The following LPA variants were observed in gnomAD, a reference collection of about 807,000 sequenced individuals.
The protein encoded by LPA is lipoprotein(a), also known as apolipoprotein(a).
In LPA, 199 loss-of-function variants were observed where a neutral mutation model predicts 197.9. The observed-to-expected ratio is 1.01, with a 90% CI of 0.90 to 1.13. The LOEUF (loss-of-function observed/expected upper bound fraction) is 1.13, where lower values mean the gene tolerates loss of function less well. Ranked by LOEUF, LPA falls within the 50% of genes most tolerant of loss-of-function variation. The probability of loss-of-function intolerance (pLI) is 0.00; values close to 1 mark genes in which losing one functional copy is unlikely to be tolerated. For missense variants in LPA, 1,853 were observed against 1,785.8 expected, an observed-to-expected ratio of 1.04 and a Z score of -0.68; for synonymous variants, 715 against 639.5, an observed-to-expected ratio of 1.12 and a Z score of -1.78.
chr6:160,548,401 T>A, intron 31 of LPA, 77 bp downstream of exon 31: 1 of 1,489,884 alleles, frequency 6.7e-7, no homozygotes, highest in Non-Finnish European at 9.3e-7. Context: ...TCAGTGTGGT[T>A]TTTCATGTCT....
intron 28 of LPA, among the ~76,000 whole-genome samples, chr6:160,557,959 G>A (rs1270851890): frequency 6.7e-6 from 1 of 149,242 alleles, no homozygotes; most frequent in South Asian, 2.1e-4. Context: ...TCGCTCTGTC[G>A]CCCAGACTGG....
At chr6:160,597,342 C>A (rs1218795296) in intron 20 of LPA, among the ~76,000 whole-genome samples, 1 of 152,204 alleles carries the variant, frequency 6.6e-6, no homozygotes, top group Non-Finnish European at 1.5e-5. Context: ...TTCAATCATA[C>A]ATCACAAAAG....
intron 28 of LPA, among the ~76,000 whole-genome samples, chr6:160,571,997 T>G (rs774940281): frequency 1.2e-4 from 18 of 152,204 alleles, no homozygotes; most frequent in Non-Finnish European, 1.8e-4. Flanking sequence ...TCCAGGGCCC[T>G]GGTGGTGTAG....
chr6:160,533,148 G>A (rs1364208167), intron 37 of LPA, among the ~76,000 whole-genome samples: 1 of 152,120 alleles, frequency 6.6e-6, no homozygotes, highest in African/African-American at 2.4e-5. Flanking sequence ...ATGGGCATGA[G>A]GTTTCCTTTG....
At position 160,548,494 on chromosome 6, in the gene LPA, C is replaced by T; in HGVS notation, c.5139G>A (p.Gly1713=). 1 of 1,613,986 alleles carries T rather than the reference C, an allele frequency of 6.2e-7. No homozygotes were observed. Among genetic ancestry groups the T allele is most frequent in the Non-Finnish European group, 8.5e-7 (1 of 1,179,990 alleles). Residue 1713 remains glycine, a synonymous_variant, in exon 31 of 39, where the codon GGG becomes GGA. Transcript: ENST00000316300. ...PPTVIQVPSL[G]PPSEQDCMFG... ...ACTTCTTACCTTGTTCAGAAGGAGG[C>T]CCTAGGCTTGGAACCTGGATGACAG...
Position 160,557,525 on chromosome 6 carries a change from G to T in LPA, c.4678C>A (p.Pro1560Thr), listed in dbSNP as rs775305075. ...YCRNPDSGKQ[P>T]WCYTTDPCVR... The stretch of plus-strand genomic sequence containing the variant: ...CACGGATCGGTTGTGTAACACCAGG[G>T]TTGTTTCCCAGAATCTGGATTCCTG... Residue 1560 changes from proline (P) to threonine (T), a missense_variant, in exon 29 of 39, where the codon CCC becomes ACC. Physicochemically the swap from Pro to Thr is conservative, Grantham distance 38 (BLOSUM62 -1). This residue lies in a region of LPA where 1,737 missense variants were observed against 1,504.4 expected (regional missense o/e 1.15). Coordinates refer to ENST00000316300, the MANE Select transcript of LPA (RefSeq NM_005577.4). 4 of 1,613,906 alleles carry T rather than the reference G, an allele frequency of 2.5e-6. No homozygotes were observed. The South Asian group carries it at 3.3e-5, about 13-fold the overall frequency.
chr6:160,535,303 G>A lies in LPA; in HGVS notation c.5842+2552C>T, dbSNP rs534429410. On this transcript the variant is annotated intron_variant, in intron 37 of 38. Coordinates refer to ENST00000316300, the MANE Select transcript of LPA (RefSeq NM_005577.4). Reference sequence around the variant, plus strand: ...GATGGTGATAGTGATGATGGTGGTGGTAATGTTAATGGTGATGGCAGTAGA... The same window carrying A: ...GATGGTGATAGTGATGATGGTGGTGATAATGTTAATGGTGATGGCAGTAGA... Among the ~76,000 whole-genome samples the A allele has an allele frequency of 6.2e-4, 90 of 145,444 alleles. 1 individual carries two copies. The highest frequency in any genetic ancestry group is 1.2e-3 in the Non-Finnish European group (81 of 66,266).
intron 30 of LPA, among the ~76,000 whole-genome samples, chr6:160,552,315 G>C (rs1487966163): frequency 6.6e-6 from 1 of 152,018 alleles, no homozygotes; most frequent in African/African-American, 2.4e-5. Context: ...ATAGTGCTTG[G>C]GTGTGGGTTT....
chr6:160,582,660 T>G (rs1778823452), intron 26 of LPA, among the ~76,000 whole-genome samples: 2 of 152,134 alleles, frequency 1.3e-5, no homozygotes. Context: ...TGTGTCCAAA[T>G]AAATCATACA....
In LPA at chr6:160,589,550, T is replaced by C; in HGVS notation, c.3947+3A>G. On this transcript the variant is annotated splice_donor_region_variant and intron_variant, in intron 24 of 38. Coordinates refer to ENST00000316300, the MANE Select transcript of LPA (RefSeq NM_005577.4). ...TCTCTTGGGAGAAAACTCAAAGACA[T>C]ACCCATTTGGGTAGTATTCTGTGGT... is the stretch of plus-strand genomic sequence containing the variant. 2 of 1,613,456 alleles carry C rather than the reference T, an allele frequency of 1.2e-6. No individual in the cohort carries two copies. Among genetic ancestry groups the C allele is most frequent in the Non-Finnish European group, 1.7e-6 (2 of 1,179,750 alleles).
intron 1 of LPA, 94 bp from the exon 2 acceptor site, chr6:160,650,591 G>A: frequency 8.0e-7 from 1 of 1,251,046 alleles, no homozygotes; most frequent in East Asian, 2.3e-5. Flanking sequence ...AAGTCTCTGA[G>A]AATTACGACC....
At chr6:160,590,321 C>A (rs890369060) in intron 23 of LPA, among the ~76,000 whole-genome samples, 1 of 152,172 alleles carries the variant, frequency 6.6e-6, no homozygotes, top group African/African-American at 2.4e-5. Context: ...CTCTTCTTCA[C>A]AAACAGCAAC....
chr6:160,595,595 C>G, intron 20 of LPA, 60 bp from the exon 21 acceptor site: 1 of 1,610,408 alleles, frequency 6.2e-7, no homozygotes, highest in East Asian at 2.2e-5. Flanking sequence ...GGGCACTTAG[C>G]GCCCTCTACA....
intron 26 of LPA, 151 bp from the exon 27 acceptor site, chr6:160,578,855 T>C: frequency 1.7e-6 from 2 of 1,193,868 alleles, no homozygotes; most frequent in South Asian, 1.3e-5. Flanking sequence ...GCACAAATGG[T>C]CTTCAGCTTC....
In LPA at chr6:160,545,538, A is replaced by G. The variant is rs887983812; in HGVS notation, c.5305-5T>C. 1 of 1,587,368 alleles carries G rather than the reference A, an allele frequency of 6.3e-7. No individual in the cohort carries two copies. Among genetic ancestry groups the G allele is most frequent in the African/African-American group, 1.3e-5 (1 of 74,312 alleles). On this transcript the variant is annotated splice_polypyrimidine_tract_variant and splice_region_variant and intron_variant, in intron 32 of 38. Transcript: ENST00000316300. ...ACCATCAGGGTTACGGCAGTACTGAAAACAAGCAGGCATGTAAGCTCCAGC... is the reference window on the plus strand; with the variant it reads ...ACCATCAGGGTTACGGCAGTACTGAGAACAAGCAGGCATGTAAGCTCCAGC...
intron 28 of LPA, among the ~76,000 whole-genome samples, chr6:160,563,680 A>G (rs558963912): frequency 6.6e-6 from 1 of 152,274 alleles, no homozygotes; most frequent in Non-Finnish European, 1.5e-5. Context: ...GTCTCCCACT[A>G]TTTTTGTGTG....
At chr6:160,557,308 A>T (rs745847000) in intron 29 of LPA, 82 bp downstream of exon 29, 5 of 1,498,572 alleles carry the variant, frequency 3.3e-6, no homozygotes, top group Non-Finnish European at 4.6e-6. Context: ...TGTAGCATGG[A>T]AGGCTTCTGC....
Position 160,532,383 on chromosome 6 carries a change from G to C in LPA, c.5961+148C>G, listed in dbSNP as rs1414724344. The C allele has an allele frequency of 5.4e-6, 4 of 737,020 alleles. No homozygotes were observed. The East Asian group carries it at 1.0e-4, about 18-fold the overall frequency. The allele number at this position is 737,020 out of a possible 1,614,324, so 45.7% of individuals were successfully genotyped here. A position where few individuals can be genotyped will look rare whatever the true frequency, so the allele number is the denominator to read the frequency against. On this transcript the variant is annotated intron_variant, in intron 38 of 38. Transcript: ENST00000316300. ...TAGATGATCTGAATATGCATTCAGG[G>C]ACAGATCTGGGGAGTTTCTGAGCAA... is the stretch of plus-strand genomic sequence containing the variant.
At chr6:160,539,458 T>C (rs1268981469) in intron 36 of LPA, among the ~76,000 whole-genome samples, 2 of 152,018 alleles carry the variant, frequency 1.3e-5, no homozygotes, top group Non-Finnish European at 2.9e-5. Flanking sequence ...TTTTTTTTTT[T>C]TGACATTGTG....
Sources: gnomAD v4.1 joint callset for allele counts (sites outside exome capture counted in the v4.1 genomes callset) on GRCh38, gnomAD v4.1.1 for gene constraint, gnomAD v4.1.1 regional missense constraint, MANE v1.5 for transcripts, NCBI Gene and HGNC (gene_info 2026-07-23, HGNC 2026-07-21) for gene names.